The following WWC1 variants were observed in gnomAD, a reference collection of about 807,000 sequenced individuals.
WWC1 encodes protein KIBRA.
WWC1 carries 55 observed loss-of-function variants against 138.4 expected under a neutral mutation model. The observed-to-expected ratio is 0.40, with a 90% confidence interval of 0.32 to 0.50. The LOEUF is 0.50. Among genes scored for constraint, WWC1 ranks in the 20% least tolerant of loss-of-function variants. The pLI, the probability that WWC1 is intolerant of heterozygous loss-of-function variation, is 0.72. For synonymous variants in WWC1, 524 were observed against 564.9 expected (o/e 0.93, Z 1.03); for missense variants, 1,226 against 1,420.4 (o/e 0.86, Z 2.20).
At chr5:168,299,699 T>C (rs926196786) in intron 1 of WWC1, among the ~76,000 whole-genome samples, 2 of 152,240 alleles carry the variant, frequency 1.3e-5, no homozygotes, top group African/African-American at 2.4e-5. Context: ...GTTGCCTTAG[T>C]TACCTGGAAG....
chr5:168,361,341 A>G (rs1215006328), intron 1 of WWC1, among the ~76,000 whole-genome samples: 7 of 152,180 alleles, frequency 4.6e-5, no homozygotes, highest in Non-Finnish European at 7.3e-5. Flanking sequence ...CAGGGTCTTC[A>G]TTCTACTGTG....
intron 5 of WWC1, among the ~76,000 whole-genome samples, chr5:168,403,981 AC>A (rs1437379401): frequency 1.4e-5 from 2 of 141,688 alleles, no homozygotes; most frequent in Non-Finnish European, 3.1e-5. Context: ...TTCTCCCCCG[AC>A]CCCCTCCCCA....
chr5:168,402,988 A>G (rs990512261), intron 5 of WWC1, among the ~76,000 whole-genome samples: 45 of 147,892 alleles, frequency 3.0e-4, no homozygotes, highest in African/African-American at 1.1e-3. Context: ...TTTAGCAGCC[A>G]AAAGCTCTGT....
intron 15 of WWC1, among the ~76,000 whole-genome samples, chr5:168,432,650 G>A (rs1782041236): frequency 6.6e-6 from 1 of 152,188 alleles, no homozygotes; most frequent in Non-Finnish European, 1.5e-5. Context: ...GCTCAGATCT[G>A]TACTGGGAGC....
intron 8 of WWC1, chr5:168,411,836 A>G (rs527400508): frequency 7.7e-4 from 231 of 298,116 alleles, no homozygotes; most frequent in Non-Finnish European, 9.3e-4. Context: ...AGGTCTAGGC[A>G]TGCGTCGTGT....
chr5:168,410,125 A>G (rs1156732142), intron 8 of WWC1, 130 bp downstream of exon 8: 3 of 925,620 alleles, frequency 3.2e-6, no homozygotes, highest in African/African-American at 1.7e-5. Context: ...GAAGATAGTT[A>G]TTATACTTTT....
At chr5:168,383,050 C>T (rs921922683) in intron 2 of WWC1, among the ~76,000 whole-genome samples, 2 of 151,926 alleles carry the variant, frequency 1.3e-5, no homozygotes, top group African/African-American at 2.4e-5. Context: ...GTGGCAGGCG[C>T]CTGTAATCCC....
chr5:168,415,975 G>A (rs4976600), intron 9 of WWC1: 63,870 of 151,650 alleles, frequency 0.42, 14,085 homozygotes, highest in East Asian at 0.53. Context: ...GGAAGCAGTC[G>A]GGAGTCCTAG....
rs377586471 is a variant in WWC1 at position 168,348,240 on chromosome 5, C to T, written c.120-23184C>T. On this transcript the variant is annotated intron_variant, in intron 1 of 22. Coordinates refer to ENST00000265293, the MANE Select transcript of WWC1 (RefSeq NM_015238.3). ...AGAGCTGGTTCCTGAGCTCAGGGGACGTGACTGTGATGTGTGTGCACGGGT... is the reference window on the plus strand; with the variant it reads ...AGAGCTGGTTCCTGAGCTCAGGGGATGTGACTGTGATGTGTGTGCACGGGT... Among the ~76,000 whole-genome samples the T allele has an allele frequency of 5.3e-5, 8 of 152,144 alleles. No individual in the cohort carries two copies. The East Asian group carries it at 5.8e-4, about 11-fold the overall frequency.
At chr5:168,467,790 C>T (rs776020133) in intron 21 of WWC1, 50 bp from the exon 22 acceptor site, 2 of 1,612,498 alleles carry the variant, frequency 1.2e-6, no homozygotes, top group Non-Finnish European at 1.7e-6. Context: ...CTCCTTGCCC[C>T]TTTCTGGAGG....
At chr5:168,454,881 G>A (rs1001640781) in intron 18 of WWC1, among the ~76,000 whole-genome samples, 6 of 152,208 alleles carry the variant, frequency 3.9e-5, no homozygotes, top group African/African-American at 1.4e-4. Context: ...CTGTGCACGG[G>A]CAGTAAAAAC....
chr5:168,468,993 A>G lies in WWC1; in HGVS notation c.3318A>G (p.Pro1106=). Residue 1106 remains proline, a synonymous_variant, in exon 23 of 23, where the codon CCA becomes CCG. Coordinates refer to ENST00000265293, the MANE Select transcript of WWC1 (RefSeq NM_015238.3). ...AFFTRPRMNI[P]ALSADDV The stretch of plus-strand genomic sequence containing the variant: ...TCACCCGGCCTCGGATGAATATCCC[A>G]GCTCTCTCTGCAGATGACGTCTAAT... The G allele has an allele frequency of 1.2e-6, 2 of 1,614,258 alleles. No homozygotes were observed. Among genetic ancestry groups the G allele is most frequent in the Non-Finnish European group, 1.7e-6 (2 of 1,180,046 alleles).
chr5:168,291,920 C>T lies in WWC1; in HGVS notation c.-233C>T, dbSNP rs1769080914. 1 of 233,698 alleles carries T rather than the reference C, an allele frequency of 4.3e-6. No individual in the cohort carries two copies. The allele number at this position is 233,698 out of a possible 1,614,324, so 14.5% of individuals were successfully genotyped here. On this transcript the variant is annotated 5_prime_UTR_variant, in exon 1 of 23. Transcript: ENST00000265293. ...ACCGCGCCGCTGCGGACGCACATGG[C>T]AGCGTGAGAGGCCGGCGGCGGGAGG...
At chr5:168,393,088 G>A (rs534336593) in intron 3 of WWC1, among the ~76,000 whole-genome samples, 19 of 151,638 alleles carry the variant, frequency 1.3e-4, no homozygotes, top group Admixed American at 6.6e-4. Flanking sequence ...AAAAATCAGA[G>A]CAAAAATACA....
intron 1 of WWC1, among the ~76,000 whole-genome samples, chr5:168,332,698 TTTTTTCTTTTTC>T (rs1055471587): frequency 3.3e-5 from 5 of 151,452 alleles, no homozygotes; most frequent in Non-Finnish European, 5.9e-5. Flanking sequence ...ATGTTTTTGG[TTTTTTCTTTTTC>T]TTTTTCTTTT....
chr5:168,377,406 C>A (rs1229992553), intron 2 of WWC1, among the ~76,000 whole-genome samples: 3 of 152,014 alleles, frequency 2.0e-5, no homozygotes, highest in Non-Finnish European at 4.4e-5. Flanking sequence ...AAAGCAATTG[C>A]AACAAAAACT....
chr5:168,372,053 T>TGTGTGTGTG (rs1776797418), intron 2 of WWC1, among the ~76,000 whole-genome samples: 17 of 141,260 alleles, frequency 1.2e-4, no homozygotes, highest in Non-Finnish European at 2.3e-4. Context: ...AAGAGTGTGT[T>TGTGTGTGTG]TGTGTGTGTG....
intron 6 of WWC1, 105 bp from the exon 7 acceptor site, chr5:168,408,402 G>A (rs1779968969): frequency 3.7e-6 from 5 of 1,361,862 alleles, no homozygotes; most frequent in South Asian, 2.7e-5. Flanking sequence ...GAGGGCACAG[G>A]TTCCTAAATT....
intron 1 of WWC1, among the ~76,000 whole-genome samples, chr5:168,344,289 C>G (rs367608615): frequency 3.3e-5 from 5 of 152,166 alleles, no homozygotes; most frequent in African/African-American, 1.2e-4. Context: ...GCAGAACTTT[C>G]ATTTGTCTTC....
Sources: gnomAD v4.1 joint callset for allele counts (sites outside exome capture counted in the v4.1 genomes callset) on GRCh38, gnomAD v4.1.1 for gene constraint, MANE v1.5 for transcripts, NCBI Gene and HGNC (gene_info 2026-07-23, HGNC 2026-07-21) for gene names.